ZNF384: variants seen among roughly 807,000 people sequenced by gnomAD.
ZNF384 encodes the protein CAG repeat protein 1.
ZNF384 carries 20 observed loss-of-function variants against 65.0 expected under a neutral mutation model. That is an observed-to-expected ratio of 0.31 (90% CI 0.22 to 0.45). The LOEUF is 0.45. ZNF384 is among the 20% of genes least tolerant of loss of function. ZNF384 has a pLI of 1.00. For synonymous variants in ZNF384, 310 were observed against 303.9 expected (o/e 1.02, Z -0.21); for missense variants, 549 against 769.4 (o/e 0.71, Z 3.39).
chr12:6,682,953 C>T (rs1956592834), intron 2 of ZNF384, among the ~76,000 whole-genome samples: 1 of 152,082 alleles, frequency 6.6e-6, no homozygotes, highest in Admixed American at 6.6e-5. Flanking sequence ...AAATGACAGA[C>T]AAGAGATAAG....
At chr12:6,685,796 A>G (rs2137392405) in intron 2 of ZNF384, among the ~76,000 whole-genome samples, 1 of 151,774 alleles carries the variant, frequency 6.6e-6, no homozygotes, top group Non-Finnish European at 1.5e-5. Flanking sequence ...AAAAAAAAAA[A>G]AAAAAGAAGG....
At chr12:6,676,978 C>G (rs1278232103) in intron 7 of ZNF384, among the ~76,000 whole-genome samples, 189 bp downstream of exon 7, 1 of 152,190 alleles carries the variant, frequency 6.6e-6, no homozygotes, top group African/African-American at 2.4e-5. Context: ...GTAGGCTACT[C>G]TCCATAGTAG....
At chr12:6,674,245 A>G (rs530131948) in intron 7 of ZNF384, among the ~76,000 whole-genome samples, 1 of 152,344 alleles carries the variant, frequency 6.6e-6, no homozygotes, top group African/African-American at 2.4e-5. Context: ...CTGGGTTGAC[A>G]TCAGTAGCAC....
At chr12:6,674,103 T>C (rs536850346) in intron 7 of ZNF384, among the ~76,000 whole-genome samples, 3 of 152,296 alleles carry the variant, frequency 2.0e-5, no homozygotes, top group East Asian at 1.9e-4. Flanking sequence ...AAAACCACTT[T>C]TGCAATGACC....
rs1412965238 is a variant in ZNF384 at position 6,672,027 on chromosome 12, T to C, written c.1187+323A>G. On this transcript the variant is annotated intron_variant, in intron 9 of 11. Transcript: ENST00000683879. The surrounding 1 kb of genome is among the most constrained non-coding windows in gnomAD (Gnocchi z 4.4). Reference sequence around the variant, plus strand: ...TGTTTTGGCATCAAGGGGCAAATCTTCCAAGATGGGTACATGAGTATTTTC... The same window carrying C: ...TGTTTTGGCATCAAGGGGCAAATCTCCCAAGATGGGTACATGAGTATTTTC... 1 of 243,738 alleles carries C rather than the reference T, an allele frequency of 4.1e-6. No individual in the cohort carries two copies. The allele number at this position is 243,738 out of a possible 1,614,324, so 15.1% of individuals were successfully genotyped here.
intron 2 of ZNF384, 23 bp from the exon 3 acceptor site, chr12:6,679,548 T>C: frequency 3.2e-6 from 5 of 1,584,834 alleles, no homozygotes; most frequent in Non-Finnish European, 4.3e-6. Context: ...TGAGAGAACA[T>C]GTCACACTCA....
At position 6,678,779 on chromosome 12, in the gene ZNF384, C is replaced by T. The variant is rs1240263449; in HGVS notation, c.305-69G>A. 10 of 1,562,768 alleles carry T rather than the reference C, an allele frequency of 6.4e-6. No homozygotes were observed. The highest frequency in any genetic ancestry group is 7.9e-6 in the Non-Finnish European group (9 of 1,135,044). ...GACCGCATCTTCTACTTCTTTGTATCCCCCACAATGCCTAGCACATTGCTA... is the reference window on the plus strand; with the variant it reads ...GACCGCATCTTCTACTTCTTTGTATTCCCCACAATGCCTAGCACATTGCTA... On this transcript the variant is annotated intron_variant, in intron 4 of 11. Transcript: ENST00000683879. The surrounding 1 kb of genome is among the most constrained non-coding windows in gnomAD (Gnocchi z 4.9).
chr12:6,677,138 T>C, intron 7 of ZNF384, 29 bp downstream of exon 7: 1 of 603,354 alleles, frequency 1.7e-6, no homozygotes, highest in African/African-American at 1.9e-5. Flanking sequence ...ATGAGGAAAC[T>C]GAGGCCCAGA....
intron 3 of ZNF384, 73 bp from the exon 4 acceptor site, chr12:6,679,256 C>T (rs867383725): frequency 7.2e-7 from 1 of 1,391,830 alleles, no homozygotes; most frequent in Non-Finnish European, 9.9e-7. Flanking sequence ...CGTGAGCACA[C>T]TTCAGTGTCT....
Position 6,667,749 on chromosome 12 carries a change from T to C in ZNF384, c.1792A>G (p.Ser598Gly), listed in dbSNP as rs779224885. The change falls in exon 12 of 12, where the codon AGC becomes GGC. Residue 598 changes from serine (S) to glycine (G), a missense_variant. This residue lies in a region of ZNF384 where 136 missense variants were observed against 183.0 expected (regional missense o/e 0.74). Transcript: ENST00000683879. ...HKDICLTVTTSTIQVEHLASS is the reference protein window; with the variant it reads ...HKDICLTVTTGTIQVEHLASS ...GCCAGGTGCTCCACCTGGATGGTGCTGGTGGTGACAGTGAGGCAGATGTCC... is the reference window on the plus strand; with the variant it reads ...GCCAGGTGCTCCACCTGGATGGTGCCGGTGGTGACAGTGAGGCAGATGTCC... 3.7e-6 allele frequency: 6 copies of C among 1,614,200 alleles called. No individual in the cohort carries two copies. The East Asian group carries it at 1.3e-4, about 36-fold the overall frequency.
At chr12:6,668,211 AG>A in intron 11 of ZNF384, 96 bp from the exon 12 acceptor site, 1 of 1,298,736 alleles carries the variant, frequency 7.7e-7, no homozygotes, top group Non-Finnish European at 1.1e-6. Flanking sequence ...CTGTAAGCAG[AG>A]TAAGCTTTAT....
intron 2 of ZNF384, among the ~76,000 whole-genome samples, chr12:6,681,290 G>C (rs1244481187): frequency 6.6e-6 from 1 of 151,910 alleles, no homozygotes; most frequent in African/African-American, 2.4e-5. Flanking sequence ...TAACAGATGG[G>C]TACAGAACAC....
chr12:6,668,165 G>A, intron 11 of ZNF384, 50 bp from the exon 12 acceptor site: 1 of 1,508,262 alleles, frequency 6.6e-7, no homozygotes, highest in African/African-American at 1.4e-5. Context: ...AAGGAAAAGA[G>A]ATTACTTGTA....
rs779727657 is a variant in ZNF384, at chr12:6,678,977, G to A, written c.273C>T (p.Val91=). 1.9e-6 allele frequency: 3 copies of A among 1,614,060 alleles called. No individual in the cohort carries two copies. In the South Asian group the frequency reaches 3.3e-5, roughly 18 times the overall value. ...QASVTQNITV[V]PVPSTGLMTA... is the part of the protein sequence containing the mutation. Reference sequence around the variant, plus strand: ...TCATCAGTCCTGTAGACGGCACAGGGACCACCGTGATATTCTGGGTAACGG... The same window carrying A: ...TCATCAGTCCTGTAGACGGCACAGGAACCACCGTGATATTCTGGGTAACGG... Residue 91 remains valine, a synonymous_variant, in exon 4 of 12, where the codon GTC becomes GTT. Transcript: ENST00000683879. The surrounding 1 kb of genome is among the most constrained non-coding windows in gnomAD (Gnocchi z 4.9).
At chr12:6,676,977 T>C (rs1565433315) in intron 7 of ZNF384, among the ~76,000 whole-genome samples, 190 bp downstream of exon 7, 1 of 152,222 alleles carries the variant, frequency 6.6e-6, no homozygotes, top group Non-Finnish European at 1.5e-5. Flanking sequence ...TGTAGGCTAC[T>C]CTCCATAGTA....
At chr12:6,686,744 C>A (rs1314308034) in intron 2 of ZNF384, among the ~76,000 whole-genome samples, 4 of 151,934 alleles carry the variant, frequency 2.6e-5, no homozygotes, top group Non-Finnish European at 4.4e-5. Flanking sequence ...GAATGAAATG[C>A]CCCAAGTGCT....
intron 1 of ZNF384, chr12:6,688,431 A>G (rs923190780): frequency 6.6e-6 from 1 of 152,280 alleles, no homozygotes; most frequent in Non-Finnish European, 1.5e-5. Context: ...CAATTCCCAG[A>G]AACTAAGACG....
intron 7 of ZNF384, among the ~76,000 whole-genome samples, chr12:6,676,946 T>C (rs184156927): frequency 2.0e-5 from 3 of 152,330 alleles, no homozygotes; most frequent in Non-Finnish European, 4.4e-5. Context: ...TTTTCATTTA[T>C]AAAGAGCGGT....
At chr12:6,685,752 G>T (rs1957662545) in intron 2 of ZNF384, among the ~76,000 whole-genome samples, 1 of 147,400 alleles carries the variant, frequency 6.8e-6, no homozygotes, top group Admixed American at 6.8e-5. Context: ...ACTCCAGCCT[G>T]GGCGACAGAG....
Sources: allele counts gnomAD v4.1 joint callset (sites outside exome capture counted in the v4.1 genomes callset), GRCh38; gene constraint gnomAD v4.1.1; regional missense constraint gnomAD v4.1.1; non-coding constraint Gnocchi (gnomAD v3.1); transcripts MANE v1.5; gene names NCBI Gene and HGNC (gene_info 2026-07-23, HGNC 2026-07-21).